Variants in LARGE1 observed in about 807,000 individuals in gnomAD.
LARGE1 encodes LARGE xylosyl- and glucuronyltransferase 1, also known as xylosyl- and glucuronyltransferase LARGE1.
LARGE1 carries 43 observed loss-of-function variants against 87.6 expected under a neutral mutation model. The ratio of observed to expected loss-of-function variants is 0.49; its 90% CI spans 0.38 to 0.63. LARGE1 has a LOEUF of 0.63. Ranked by LOEUF, LARGE1 falls within the 30% of genes least tolerant of loss-of-function variation. The probability of loss-of-function intolerance (pLI) is 0.00; values close to 1 mark genes in which losing one functional copy is unlikely to be tolerated. For synonymous variants in LARGE1, 434 were observed against 394.6 expected (o/e 1.10, Z -1.18); for missense variants, 802 against 1,000.2 (o/e 0.80, Z 2.67).
intron 2 of LARGE1, among the ~76,000 whole-genome samples, chr22:33,705,466 C>G (rs1603208965): frequency 6.6e-6 from 1 of 152,212 alleles, no homozygotes; most frequent in Non-Finnish European, 1.5e-5. Context: ...TAAGACAGCA[C>G]TGCTCACGTC....
chr22:33,277,037 G>C (rs771747373), intron 14 of LARGE1, 23 bp downstream of exon 14: 47 of 1,611,864 alleles, frequency 2.9e-5, no homozygotes, highest in Non-Finnish European at 3.9e-5. Flanking sequence ...GACCATACCA[G>C]GTGGATGCTC....
upstream of LARGE1, among the ~76,000 whole-genome samples, chr22:33,921,166 T>A (rs1230419304): frequency 1.3e-5 from 2 of 151,580 alleles, no homozygotes; most frequent in African/African-American, 4.8e-5. The surrounding 1 kb of genome is among the most constrained non-coding windows in gnomAD (Gnocchi z 4.1). Context: ...GACCGAGAGT[T>A]CGCCCCCGCA....
chr22:33,119,472 T>G, the LARGE1 span, among the ~76,000 whole-genome samples: 15 of 152,142 alleles, frequency 9.9e-5, no homozygotes, highest in Non-Finnish European at 1.8e-4. Context: ...CCAAGGTATG[T>G]TTCTCAGTGT....
intron 11 of LARGE1, among the ~76,000 whole-genome samples, chr22:33,204,622 G>T (rs1013791199): frequency 4.6e-5 from 7 of 152,162 alleles, no homozygotes; most frequent in Non-Finnish European, 8.8e-5. Context: ...CCTTTGAGCA[G>T]AAATGTGCTA....
chr22:33,922,271 TG>T (rs1280019526), upstream of LARGE1, among the ~76,000 whole-genome samples: 1 of 17,128 alleles, frequency 5.8e-5, no homozygotes, highest in African/African-American at 2.2e-4. Context: ...GAGGTCGGGC[TG>T]GGGGGGTGGG....
intron 7 of LARGE1, among the ~76,000 whole-genome samples, chr22:33,399,377 G>A (rs1274717024): frequency 6.6e-6 from 1 of 152,102 alleles, no homozygotes; most frequent in African/African-American, 2.4e-5. Context: ...TCTTTATCCA[G>A]TCTGTCATTG....
chr22:33,343,623 T>A (rs1210013071), intron 9 of LARGE1, among the ~76,000 whole-genome samples: 1 of 152,128 alleles, frequency 6.6e-6, no homozygotes, highest in Admixed American at 6.5e-5. Flanking sequence ...TAATGGACTG[T>A]CTCCCACTCT....
chr22:33,195,479 C>A (rs1924015171), intron 11 of LARGE1, among the ~76,000 whole-genome samples: 1 of 151,896 alleles, frequency 6.6e-6, no homozygotes, highest in Non-Finnish European at 1.5e-5. Flanking sequence ...ACCCAGAATA[C>A]TTATCCGACA....
the LARGE1 span, among the ~76,000 whole-genome samples, chr22:33,072,775 C>A: frequency 4.8e-4 from 73 of 152,258 alleles, no homozygotes; most frequent in Non-Finnish European, 8.5e-4. Flanking sequence ...AAGTCTAAAT[C>A]CAAACTCAGT....
At chr22:33,227,638 A>G (rs1925804425) in intron 11 of LARGE1, among the ~76,000 whole-genome samples, 1 of 152,224 alleles carries the variant, frequency 6.6e-6, no homozygotes, top group Non-Finnish European at 1.5e-5. Context: ...GGATGCTACC[A>G]AAGATCATTT....
intron 11 of LARGE1, among the ~76,000 whole-genome samples, chr22:33,235,277 G>A (rs1457282374): frequency 6.6e-6 from 1 of 152,138 alleles, no homozygotes. Flanking sequence ...ACATAAAGAA[G>A]AGAGTTTCAG....
At chr22:33,370,556 A>G (rs1038038781) in intron 9 of LARGE1, among the ~76,000 whole-genome samples, 3 of 152,152 alleles carry the variant, frequency 2.0e-5, no homozygotes, top group African/African-American at 7.2e-5. Flanking sequence ...TTTGAATGCA[A>G]TCGTTGTTTA....
chr22:33,333,219 C>T (rs1387438455), intron 10 of LARGE1, among the ~76,000 whole-genome samples: 5 of 152,082 alleles, frequency 3.3e-5, no homozygotes, highest in African/African-American at 9.7e-5. Flanking sequence ...AGGGTTTCAC[C>T]GTGTTAGCCA....
chr22:33,638,294 C>T (rs1190341756), intron 3 of LARGE1, among the ~76,000 whole-genome samples: 1 of 152,224 alleles, frequency 6.6e-6, no homozygotes, highest in African/African-American at 2.4e-5. Flanking sequence ...AAACATGTTG[C>T]CTCCAGCAAA....
At chr22:33,642,901 G>A (rs1237190480) in intron 3 of LARGE1, among the ~76,000 whole-genome samples, 1 of 152,000 alleles carries the variant, frequency 6.6e-6, no homozygotes, top group Middle Eastern at 3.2e-3. Flanking sequence ...GATTCATTAA[G>A]TTCTTAGATA....
intron 1 of LARGE1, among the ~76,000 whole-genome samples, chr22:33,825,155 C>T (rs926152142): frequency 2.6e-5 from 4 of 152,300 alleles, no homozygotes; most frequent in African/African-American, 9.6e-5. Flanking sequence ...AGAATGCTGG[C>T]TTCTACTACA....
the LARGE1 span, among the ~76,000 whole-genome samples, chr22:33,133,858 C>T: frequency 7.2e-5 from 11 of 152,246 alleles, no homozygotes; most frequent in South Asian, 2.1e-4. Flanking sequence ...GTTTCTGAGC[C>T]AGGGCACTTA....
At chr22:33,206,045 C>T (rs776589284) in intron 11 of LARGE1, among the ~76,000 whole-genome samples, 1 of 151,462 alleles carries the variant, frequency 6.6e-6, no homozygotes, top group Admixed American at 6.6e-5. Flanking sequence ...AGCTCCGCCT[C>T]CCCGGTTCAC....
intron 6 of LARGE1, among the ~76,000 whole-genome samples, chr22:33,485,591 T>C (rs1341133217): frequency 6.6e-6 from 1 of 152,192 alleles, no homozygotes; most frequent in Non-Finnish European, 1.5e-5. Context: ...TAACTAGAGA[T>C]TGGGATGGTT....
Sources: gnomAD v4.1 joint callset for allele counts (sites outside exome capture counted in the v4.1 genomes callset) on GRCh38, gnomAD v4.1.1 for gene constraint, Gnocchi (gnomAD v3.1) non-coding constraint, MANE v1.5 for transcripts, NCBI Gene and HGNC (gene_info 2026-07-23, HGNC 2026-07-21) for gene names.